Variants in EPSTI1 observed in about 807,000 individuals in gnomAD.
EPSTI1 encodes epithelial stromal interaction 1, also known as epithelial-stromal interaction protein 1.
In EPSTI1, 66 loss-of-function variants were observed where a neutral mutation model predicts 49.9. The ratio of observed to expected loss-of-function variants is 1.32; its 90% CI spans 1.08 to 1.62. The LOEUF is 1.62. Ranked by LOEUF, EPSTI1 falls within the 40% of genes most tolerant of loss-of-function variation. EPSTI1 has a pLI of 0.00. For missense variants in EPSTI1, 394 were observed against 365.5 expected, an observed-to-expected ratio of 1.08 and a Z score of -0.64; for synonymous variants, 137 against 130.7, an observed-to-expected ratio of 1.05 and a Z score of -0.33.
At chr13:42,969,541 A>G (rs1415630519) in intron 2 of EPSTI1, 5 of 224,546 alleles carry the variant, frequency 2.2e-5, no homozygotes, top group Non-Finnish European at 3.5e-5. Flanking sequence ...TTTCACGTCA[A>G]TAAGAACTTT....
chr13:42,956,195 T>C (rs539577921), intron 5 of EPSTI1, among the ~76,000 whole-genome samples: 2 of 152,288 alleles, frequency 1.3e-5, no homozygotes, highest in East Asian at 3.9e-4. Flanking sequence ...GCCTACTTAA[T>C]GTTAGACTCC....
At chr13:42,894,679 A>G (rs1426016989) in intron 10 of EPSTI1, among the ~76,000 whole-genome samples, 1 of 5,836 alleles carries the variant, frequency 1.7e-4, no homozygotes, top group Non-Finnish European at 8.2e-3. Context: ...ATTTCTGAAA[A>G]AAAAAAAAAA....
intron 10 of EPSTI1, among the ~76,000 whole-genome samples, chr13:42,891,315 A>G (rs1332806950): frequency 6.6e-6 from 1 of 152,202 alleles, no homozygotes; most frequent in Admixed American, 6.5e-5. Context: ...CTGTTCCTTG[A>G]AAGTTTAATA....
chr13:42,947,136 AAC>A (rs1471409771), intron 6 of EPSTI1, among the ~76,000 whole-genome samples: 1 of 152,166 alleles, frequency 6.6e-6, no homozygotes, highest in Non-Finnish European at 1.5e-5. Flanking sequence ...CCTCCCCTGA[AAC>A]ACAATGTTGT....
chr13:42,940,410 G>A (rs2038714545), intron 6 of EPSTI1, among the ~76,000 whole-genome samples: 1 of 152,090 alleles, frequency 6.6e-6, no homozygotes, highest in Non-Finnish European at 1.5e-5. Flanking sequence ...TCCTTCATAG[G>A]AATTGTTCGA....
rs1394872229 is a variant in EPSTI1, at chr13:42,967,271, A to C, written c.331+1823T>G. On this transcript the variant is annotated intron_variant, in intron 3 of 10. Coordinates refer to ENST00000313624, the MANE Select transcript of EPSTI1 (RefSeq NM_033255.5). ...CCTCTGTGAGAAACACCCAAGAATT[A>C]TCAATAAAAAAATAAATTAAAAAAA... Among the ~76,000 whole-genome samples the C allele has an allele frequency of 1.3e-4, 17 of 134,522 alleles. 5 individuals carry two copies. Among genetic ancestry groups the C allele is most frequent in the African/African-American group, 4.0e-4 (14 of 35,286 alleles). The allele number at this position is 134,522 out of a possible 152,430, so 88.3% of individuals were successfully genotyped here. A position where few individuals can be genotyped will look rare whatever the true frequency, so the allele number is the denominator to read the frequency against.
intron 8 of EPSTI1, among the ~76,000 whole-genome samples, chr13:42,900,688 T>C (rs2037330394): frequency 6.6e-6 from 1 of 151,918 alleles, no homozygotes; most frequent in Non-Finnish European, 1.5e-5. Context: ...GTCAAACTCA[T>C]CTATGTCTTA....
chr13:42,929,835 C>T lies in EPSTI1; in HGVS notation c.564-3406G>A, dbSNP rs144738588. 2.0e-3 allele frequency among the ~76,000 whole-genome samples: 305 copies of T among 152,326 alleles called. 1 individual carries two copies. The highest frequency in any genetic ancestry group is 7.0e-3 in the African/African-American group (289 of 41,574). On this transcript the variant is annotated intron_variant, in intron 6 of 10. Coordinates refer to ENST00000313624, the MANE Select transcript of EPSTI1 (RefSeq NM_033255.5). Reference sequence around the variant, plus strand: ...TAAAAAGGGGATAAAAAACCCCACACAGACTATGGTGGTGTTTACTAGGGA... The same window carrying T: ...TAAAAAGGGGATAAAAAACCCCACATAGACTATGGTGGTGTTTACTAGGGA...
At chr13:42,950,661 G>GA (rs145305822) in intron 6 of EPSTI1, among the ~76,000 whole-genome samples, 6 of 151,754 alleles carry the variant, frequency 4.0e-5, no homozygotes, top group South Asian at 2.1e-4. Flanking sequence ...CCTCTCTACA[G>GA]AAAAAAAATA....
chr13:42,941,632 G>C (rs1366193375), intron 6 of EPSTI1, among the ~76,000 whole-genome samples: 1 of 145,828 alleles, frequency 6.9e-6, no homozygotes, highest in South Asian at 2.2e-4. Flanking sequence ...AAAAAAAACA[G>C]AAAAAAAATT....
intron 1 of EPSTI1, among the ~76,000 whole-genome samples, chr13:42,974,596 T>C (rs1176815689): frequency 6.6e-6 from 1 of 151,818 alleles, no homozygotes; most frequent in Admixed American, 6.6e-5. Context: ...GAGGCGGAGC[T>C]TGCAGTGAGC....
At chr13:42,982,894 G>C (rs766503059) in intron 1 of EPSTI1, among the ~76,000 whole-genome samples, 1 of 152,162 alleles carries the variant, frequency 6.6e-6, no homozygotes, top group Admixed American at 6.5e-5. Flanking sequence ...TGGAGACATA[G>C]AGACACAAAG....
At chr13:42,953,483 G>A (rs975394547) in intron 6 of EPSTI1, among the ~76,000 whole-genome samples, 1 of 152,120 alleles carries the variant, frequency 6.6e-6, no homozygotes, top group African/African-American at 2.4e-5. Context: ...AAATTACCTT[G>A]GTGTATGACC....
chr13:42,971,116 C>T (rs1012814595), intron 1 of EPSTI1, among the ~76,000 whole-genome samples: 3 of 152,214 alleles, frequency 2.0e-5, no homozygotes, highest in African/African-American at 7.2e-5. Flanking sequence ...ATCTGAGTAA[C>T]TAACTGGCTT....
At chr13:42,919,517 T>C (rs1303390332) in intron 7 of EPSTI1, among the ~76,000 whole-genome samples, 1 of 152,238 alleles carries the variant, frequency 6.6e-6, no homozygotes, top group African/African-American at 2.4e-5. Flanking sequence ...CCAAAAGCTA[T>C]GCTTATAATG....
chr13:42,892,890 G>A (rs1464203901), intron 10 of EPSTI1, among the ~76,000 whole-genome samples: 2 of 75,286 alleles, frequency 2.7e-5, no homozygotes, highest in African/African-American at 1.0e-4. Flanking sequence ...TATCACTGAG[G>A]TATATGAAAA....
rs536877992 is a variant in EPSTI1 at position 42,895,181 on chromosome 13, T to C, written c.816-73A>G. ...CTGAGAGATTTCTGAGAATCTAATG[T>C]GTTGTATGAACTGACCATGGGGATA... On this transcript the variant is annotated intron_variant, in intron 9 of 10. Coordinates refer to ENST00000313624, the MANE Select transcript of EPSTI1 (RefSeq NM_033255.5). The C allele has an allele frequency of 3.6e-5, 44 of 1,224,634 alleles. No individual in the cohort carries two copies. The East Asian group carries it at 1.0e-3, about 28-fold the overall frequency. The allele number at this position is 1,224,634 out of a possible 1,614,324, so 75.9% of individuals were successfully genotyped here.
rs1177220280 is a variant in EPSTI1 at position 42,966,880 on chromosome 13, G to A, written c.331+2214C>T. 4.6e-5 allele frequency among the ~76,000 whole-genome samples: 3 copies of A among 65,922 alleles called. 1 individual carries two copies. Among genetic ancestry groups the A allele is most frequent in the Non-Finnish European group, 3.3e-5 (1 of 29,854 alleles). The allele number at this position is 65,922 out of a possible 152,430, so 43.2% of individuals were successfully genotyped here. A position where few individuals can be genotyped will look rare whatever the true frequency, so the allele number is the denominator to read the frequency against. On this transcript the variant is annotated intron_variant, in intron 3 of 10. Coordinates refer to ENST00000313624, the MANE Select transcript of EPSTI1 (RefSeq NM_033255.5). ...AAGATTGAGAAATCGGATGGTTGCC[G>A]TGTCTGTGTAGAAAGAAGTAGACAT...
chr13:42,938,914 C>CAAAAAAAA (rs57079104), intron 6 of EPSTI1, among the ~76,000 whole-genome samples: 789 of 59,628 alleles, frequency 0.013, 138 homozygotes, highest in African/African-American at 0.051. Context: ...GACTCTGTCT[C>CAAAAAAAA]AAAAAAAAAA....
Sources: allele counts gnomAD v4.1 joint callset (sites outside exome capture counted in the v4.1 genomes callset), GRCh38; gene constraint gnomAD v4.1.1; transcripts MANE v1.5; gene names NCBI Gene and HGNC (gene_info 2026-07-23, HGNC 2026-07-21).